EPG5: variants seen among roughly 807,000 people sequenced by gnomAD.
The protein encoded by EPG5 is ectopic P-granules 5 autophagy tethering factor.
Under a neutral mutation model 302.7 loss-of-function variants are expected in EPG5, and 159 were observed. The ratio of observed to expected loss-of-function variants is 0.53; its 90% CI spans 0.46 to 0.60. EPG5 has a LOEUF of 0.60. Among genes scored for constraint, EPG5 ranks in the 20% least tolerant of loss-of-function variants. The probability of loss-of-function intolerance (pLI) is 0.00; values close to 1 mark genes in which losing one functional copy is unlikely to be tolerated. For missense variants in EPG5, 2,896 were observed against 3,092.4 expected (o/e 0.94, Z 1.51); for synonymous variants, 1,158 against 1,136.8 (o/e 1.02, Z -0.37).
chr18:45,853,813 C>T (rs1283000411), intron 43 of EPG5, among the ~76,000 whole-genome samples: 1 of 152,230 alleles, frequency 6.6e-6, no homozygotes, highest in Non-Finnish European at 1.5e-5. Flanking sequence ...TAGGAATCAA[C>T]TGGGACAGGC....
chr18:45,867,604 T>A lies in EPG5; in HGVS notation c.6370A>T (p.Met2124Leu). The A allele has an allele frequency of 6.2e-7, 1 of 1,614,064 alleles. No homozygotes were observed. Among genetic ancestry groups the A allele is most frequent in the Non-Finnish European group, 8.5e-7 (1 of 1,179,990 alleles). Residue 2124 changes from methionine to leucine, a missense_variant, in exon 37 of 44, where the codon ATG becomes TTG. Transcript: ENST00000282041. ...RSMIVCLLFM[M>L]ILLAKEVQLV... ...TGAACTTCCTTTGCCAATAAAATCATCATGAAAAGGAGGCAGACAATCATG... is the reference window on the plus strand; with the variant it reads ...TGAACTTCCTTTGCCAATAAAATCAACATGAAAAGGAGGCAGACAATCATG...
At chr18:45,824,983 G>A in the EPG5 span, among the ~76,000 whole-genome samples, 3 of 151,998 alleles carry the variant, frequency 2.0e-5, no homozygotes, top group Non-Finnish European at 4.4e-5. Flanking sequence ...ACAGGGAGGT[G>A]GCTAGCAGCA....
At chr18:45,825,676 C>A in the EPG5 span, 27 of 1,601,200 alleles carry the variant, frequency 1.7e-5, no homozygotes, top group Non-Finnish European at 2.2e-5. Flanking sequence ...AGGGCCCTCA[C>A]TGGGGAGGTG....
chr18:45,909,872 G>A (rs2049849922), intron 23 of EPG5, among the ~76,000 whole-genome samples: 1 of 152,206 alleles, frequency 6.6e-6, no homozygotes, highest in African/African-American at 2.4e-5. Context: ...CGTGAGCCCA[G>A]GAGTTTGGGG....
the EPG5 span, chr18:45,825,787 G>A: frequency 6.2e-7 from 1 of 1,614,226 alleles, no homozygotes; most frequent in African/African-American, 1.3e-5. Flanking sequence ...ACAGGTGAGT[G>A]TCTGCTACTC....
At chr18:45,869,350 C>G (rs1268218425) in intron 36 of EPG5, among the ~76,000 whole-genome samples, 1 of 152,146 alleles carries the variant, frequency 6.6e-6, no homozygotes, top group Non-Finnish European at 1.5e-5. Flanking sequence ...AATCTGTTCT[C>G]TATCCTCATC....
chr18:45,838,870 G>T, the EPG5 span: 2 of 1,587,336 alleles, frequency 1.3e-6, no homozygotes, highest in Non-Finnish European at 8.5e-7. Flanking sequence ...CCCGCGTGAG[G>T]GTCACGGCCA....
chr18:45,954,714 A>C lies in EPG5; in HGVS notation c.688T>G (p.Leu230Val), dbSNP rs774387511. The change falls in exon 2 of 44, where the codon TTG (leucine) becomes GTG (valine). Residue 230 changes from leucine (L) to valine (V), a missense_variant. This residue lies in a region of EPG5 where 1,390 missense variants were observed against 1,430.0 expected (regional missense o/e 0.97). Transcript: ENST00000282041. ...PAEIAGEAPA[L>V]VAVKPLLRSE... The stretch of plus-strand genomic sequence containing the variant: ...CGAAGCAAGGGTTTCACTGCCACCA[A>C]AGCTGGTGCTTCTCCAGCAATTTCA... 2.5e-6 allele frequency: 4 copies of C among 1,614,154 alleles called. No individual in the cohort carries two copies. In the Middle Eastern group the frequency reaches 4.9e-4, roughly 200 times the overall value.
At chr18:45,805,548 A>T in the EPG5 span, among the ~76,000 whole-genome samples, 7 of 152,168 alleles carry the variant, frequency 4.6e-5, no homozygotes, top group South Asian at 2.1e-4. Flanking sequence ...ATAGGCAAAA[A>T]TTTCCAATTA....
chr18:45,875,880 C>T (rs965611147), intron 35 of EPG5, among the ~76,000 whole-genome samples: 1 of 152,008 alleles, frequency 6.6e-6, no homozygotes. Context: ...CATGGTGAAA[C>T]CCCGTCTCTA....
intron 14 of EPG5, among the ~76,000 whole-genome samples, chr18:45,924,005 T>A (rs1013062310): frequency 6.7e-6 from 1 of 148,906 alleles, no homozygotes; most frequent in South Asian, 2.1e-4. Context: ...CCAGCCTGGG[T>A]GACAGAGTGA....
Position 45,860,146 on chromosome 18 carries a change from C to T in EPG5, c.6967G>A (p.Ala2323Thr), listed in dbSNP as rs372153543. The T allele has an allele frequency of 6.2e-7, 1 of 1,614,234 alleles. No individual in the cohort carries two copies. Among genetic ancestry groups the T allele is most frequent in the Non-Finnish European group, 8.5e-7 (1 of 1,180,048 alleles). The change falls in exon 40 of 44, where the codon GCT becomes ACT. Residue 2323 changes from alanine (A) to threonine (T), a missense_variant. By Grantham distance (58) the Ala-to-Thr change is moderately conservative (BLOSUM62 0). Coordinates refer to ENST00000282041, the MANE Select transcript of EPG5 (RefSeq NM_020964.3). The part of the protein sequence containing the change: ...CQSLASVRHM[A>T]ETTEACITAY... ...GTGATGCAGGCTTCTGTAGTCTCAGCCATGTGGCGGACGGACGCCAGGCTC... is the reference window on the plus strand; with the variant it reads ...GTGATGCAGGCTTCTGTAGTCTCAGTCATGTGGCGGACGGACGCCAGGCTC...
At chr18:45,887,624 G>T in intron 29 of EPG5, 127 bp downstream of exon 29, 3 of 714,198 alleles carry the variant, frequency 4.2e-6, no homozygotes, top group African/African-American at 1.8e-5. Context: ...ACTCCAAGAG[G>T]CTTCTGACTT....
At chr18:45,913,219 C>G (rs2049951173) in intron 21 of EPG5, among the ~76,000 whole-genome samples, 1 of 152,048 alleles carries the variant, frequency 6.6e-6, no homozygotes, top group African/African-American at 2.4e-5. Context: ...GGCTCTGAAA[C>G]CCAAAAGCAA....
chr18:45,915,513 G>T lies in EPG5; in HGVS notation c.3691C>A (p.Gln1231Lys), dbSNP rs756064897. The T allele has an allele frequency of 1.9e-6, 3 of 1,608,826 alleles. No individual in the cohort carries two copies. Among genetic ancestry groups the T allele is most frequent in the Non-Finnish European group, 2.6e-6 (3 of 1,175,286 alleles). The change falls in exon 20 of 44, where the codon CAG (glutamine) becomes AAG (lysine). Residue 1231 changes from glutamine to lysine, a missense_variant and splice_region_variant. Gln to Lys is a moderately conservative substitution (Grantham distance 53). Around this residue, in one of 5 missense-constraint regions of EPG5, gnomAD observed 64 missense variants for 101.8 expected, o/e 0.63. Transcript: ENST00000282041. The part of the protein sequence containing the change: ...SFVEGLATPT[Q>K]VWFAWTVLNM... Reference sequence around the variant, plus strand: ...GATCCTCTCAGTGAGTTTCCTACCTGAGTGGGCGTGGCCAAGCCCTCCACA... The same window carrying T: ...GATCCTCTCAGTGAGTTTCCTACCTTAGTGGGCGTGGCCAAGCCCTCCACA...
rs2050024369 is a variant in EPG5 at position 45,916,109 on chromosome 18, C to A, written c.3482G>T (p.Arg1161Leu). ...QALISQHLWY[R>L]EQPILFLMDH... is the part of the protein sequence containing the mutation. ...CATGAGGAAGAGGATAGGTTGTTCT[C>A]GGTACCAGAGATGCTGGCTTATGAG... The change falls in exon 19 of 44, where the codon CGA (arginine) becomes CTA (leucine). Residue 1161 changes from arginine to leucine, a missense_variant. Arg to Leu is a moderately radical substitution (Grantham distance 102). Around this residue, in one of 5 missense-constraint regions of EPG5, gnomAD observed 1,390 missense variants for 1,430.0 expected, o/e 0.97. Coordinates refer to ENST00000282041, the MANE Select transcript of EPG5 (RefSeq NM_020964.3). 6.2e-7 allele frequency: 1 copy of A among 1,614,108 alleles called. No individual in the cohort carries two copies. Among genetic ancestry groups the A allele is most frequent in the South Asian group, 1.1e-5 (1 of 91,080 alleles).
intron 30 of EPG5, 88 bp from the exon 31 acceptor site, chr18:45,882,575 A>T (rs146546339): frequency 9.7e-7 from 1 of 1,026,880 alleles, no homozygotes; most frequent in Non-Finnish European, 1.4e-6. Flanking sequence ...TTAGTTTAAA[A>T]GCCAAAAATT....
At chr18:45,845,453 G>A (rs1041748331), downstream of EPG5, among the ~76,000 whole-genome samples, 2 of 152,122 alleles carry the variant, frequency 1.3e-5, no homozygotes, top group African/African-American at 2.4e-5. Context: ...GACAGCACTC[G>A]GCCCTCCCCA....
chr18:45,963,675 T>C (rs1377296613), intron 1 of EPG5, among the ~76,000 whole-genome samples: 2 of 151,944 alleles, frequency 1.3e-5, no homozygotes, highest in African/African-American at 4.8e-5. Flanking sequence ...TTGGGATTGG[T>C]GGTAGAACTG....
Sources: gnomAD v4.1 joint callset for allele counts (sites outside exome capture counted in the v4.1 genomes callset) on GRCh38, gnomAD v4.1.1 for gene constraint, gnomAD v4.1.1 regional missense constraint, MANE v1.5 for transcripts, NCBI Gene and HGNC (gene_info 2026-07-23, HGNC 2026-07-21) for gene names.